The following CCDC171 variants were observed in gnomAD, a reference collection of about 807,000 sequenced individuals.
The protein encoded by CCDC171 is coiled-coil domain-containing protein 171.
A neutral mutation model predicts 168.2 loss-of-function variants in CCDC171; 177 were observed. That is an observed-to-expected ratio of 1.05 (90% CI 0.93 to 1.19). CCDC171 has a LOEUF of 1.19. CCDC171 is among the 50% of genes most tolerant of loss of function. The pLI is 0.00. For synonymous variants in CCDC171, 687 were observed against 540.8 expected (o/e 1.27, Z -3.75); for missense variants, 1,991 against 1,539.0 (o/e 1.29, Z -4.91).
chr9:15,861,797 A>G (rs2130987796), intron 23 of CCDC171, among the ~76,000 whole-genome samples: 1 of 152,156 alleles, frequency 6.6e-6, no homozygotes, highest in African/African-American at 2.4e-5. Context: ...CATTAGAGTA[A>G]TAAAGCATTC....
intron 11 of CCDC171, among the ~76,000 whole-genome samples, chr9:15,707,541 C>T (rs1209804371): frequency 6.6e-6 from 1 of 152,168 alleles, no homozygotes; most frequent in Non-Finnish European, 1.5e-5. Context: ...TCTTCTTGTT[C>T]TCTTCTCTTT....
At chr9:15,662,508 C>T (rs1024214123) in intron 8 of CCDC171, among the ~76,000 whole-genome samples, 1 of 152,068 alleles carries the variant, frequency 6.6e-6, no homozygotes, top group African/African-American at 2.4e-5. Flanking sequence ...GAATTCAGGA[C>T]CTTTGTGCAT....
At chr9:15,729,508 G>T in intron 15 of CCDC171, 102 bp from the exon 16 acceptor site, 1 of 623,318 alleles carries the variant, frequency 1.6e-6, no homozygotes. Flanking sequence ...TGATCTTAAG[G>T]AATAAAATAT....
intron 3 of CCDC171, among the ~76,000 whole-genome samples, chr9:16,004,527 C>G (rs758648118): frequency 2.0e-5 from 3 of 152,140 alleles, no homozygotes; most frequent in African/African-American, 7.2e-5. Flanking sequence ...TGATTTTGTG[C>G]TGCTTGGTTC....
intron 25 of CCDC171, among the ~76,000 whole-genome samples, chr9:15,932,040 C>CTG (rs1564019925): frequency 6.6e-6 from 1 of 151,904 alleles, no homozygotes; most frequent in African/African-American, 2.4e-5. Context: ...AGTATGATGC[C>CTG]TGTGGCTTTG....
chr9:15,871,057 C>T (rs914826019), intron 23 of CCDC171, among the ~76,000 whole-genome samples: 1 of 151,206 alleles, frequency 6.6e-6, no homozygotes, highest in African/African-American at 2.4e-5. Context: ...TATCTCCTTT[C>T]TGAAAGCATG....
In CCDC171 at chr9:15,623,282, G is replaced by C. The variant is rs1157388385; in HGVS notation, c.691G>C (p.Val231Leu). 3.8e-6 allele frequency: 6 copies of C among 1,585,764 alleles called. No homozygotes were observed. Among genetic ancestry groups the C allele is most frequent in the Admixed American group, 1.8e-5 (1 of 57,004 alleles). The change falls in exon 7 of 26, where the codon GTG (valine) becomes CTG (leucine). Residue 231 changes from valine (V) to leucine (L), a missense_variant. Val to Leu is a conservative substitution (Grantham distance 32, BLOSUM62 1). Coordinates refer to ENST00000380701, the MANE Select transcript of CCDC171 (RefSeq NM_173550.4). Reference sequence around the variant, plus strand: ...TATTTTCCAGGAGCAAGATACTGCTGTGCAAAATATGCATAAGAAAGTAGA... The same window carrying C: ...TATTTTCCAGGAGCAAGATACTGCTCTGCAAAATATGCATAAGAAAGTAGA... The part of the protein sequence containing the change: ...QFIVQEQDTA[V>L]QNMHKKVEKL...
chr9:15,605,713 C>G (rs2043180130), intron 6 of CCDC171, among the ~76,000 whole-genome samples: 1 of 151,560 alleles, frequency 6.6e-6, no homozygotes, highest in Admixed American at 6.6e-5. Flanking sequence ...AAAAAAGTCC[C>G]TAATTTAGGG....
chr9:16,100,816 C>T, the CCDC171 span, among the ~76,000 whole-genome samples: 3 of 152,216 alleles, frequency 2.0e-5, no homozygotes, highest in Admixed American at 1.3e-4. Flanking sequence ...CCCCGCCCCC[C>T]ACCAAGGGCA....
chr9:15,887,121 A>C (rs1179029310), intron 24 of CCDC171, among the ~76,000 whole-genome samples: 1 of 152,174 alleles, frequency 6.6e-6, no homozygotes, highest in African/African-American at 2.4e-5. Flanking sequence ...TTCTCACCAC[A>C]TACACAAAAG....
intron 7 of CCDC171, among the ~76,000 whole-genome samples, chr9:15,628,722 C>T (rs1016922425): frequency 1.3e-5 from 2 of 152,150 alleles, no homozygotes; most frequent in African/African-American, 4.8e-5. Flanking sequence ...GGGCAGACTG[C>T]CTCCTCAAGT....
At chr9:15,803,580 G>T (rs1032572308) in intron 21 of CCDC171, among the ~76,000 whole-genome samples, 3 of 151,970 alleles carry the variant, frequency 2.0e-5, no homozygotes, top group African/African-American at 7.2e-5. Flanking sequence ...GTAGATGTAT[G>T]ATTTTATTTC....
chr9:15,896,663 T>G (rs1820937813), intron 24 of CCDC171, among the ~76,000 whole-genome samples: 1 of 152,110 alleles, frequency 6.6e-6, no homozygotes, highest in Admixed American at 6.6e-5. Context: ...ATACATTTGC[T>G]ATCCTTATCA....
At chr9:16,014,592 A>G (rs1351590937) in intron 3 of CCDC171, among the ~76,000 whole-genome samples, 1 of 152,176 alleles carries the variant, frequency 6.6e-6, no homozygotes, top group Non-Finnish European at 1.5e-5. Context: ...TATGAAATGT[A>G]TTTCTTAAAT....
intron 7 of CCDC171, among the ~76,000 whole-genome samples, chr9:15,630,374 T>G (rs1264734762): frequency 6.6e-6 from 1 of 152,096 alleles, no homozygotes; most frequent in Non-Finnish European, 1.5e-5. Context: ...GGGGTTGCAA[T>G]CCTAGTCTCT....
chr9:15,692,531 T>C (rs1367660712), intron 10 of CCDC171, among the ~76,000 whole-genome samples: 1 of 136,466 alleles, frequency 7.3e-6, no homozygotes, highest in Admixed American at 7.2e-5. Context: ...TCATTACTAC[T>C]TTTTTTTTTT....
At chr9:15,749,406 A>G (rs2055553299) in intron 18 of CCDC171, among the ~76,000 whole-genome samples, 1 of 147,078 alleles carries the variant, frequency 6.8e-6, no homozygotes, top group African/African-American at 2.7e-5. Context: ...AACATTAGAC[A>G]GATCAACGAG....
intron 21 of CCDC171, among the ~76,000 whole-genome samples, chr9:15,806,861 G>C (rs1020317407): frequency 6.6e-6 from 1 of 152,074 alleles, no homozygotes; most frequent in African/African-American, 2.4e-5. Context: ...AGGGATTCCA[G>C]TAATTTGTAG....
intron 25 of CCDC171, among the ~76,000 whole-genome samples, chr9:15,963,845 C>A (rs1274748603): frequency 1.3e-5 from 2 of 152,126 alleles, no homozygotes; most frequent in African/African-American, 2.4e-5. Context: ...AACAAACAAA[C>A]AGACAAACAA....
Sources: gnomAD v4.1 joint callset for allele counts (sites outside exome capture counted in the v4.1 genomes callset) on GRCh38, gnomAD v4.1.1 for gene constraint, MANE v1.5 for transcripts, NCBI Gene and HGNC (gene_info 2026-07-23, HGNC 2026-07-21) for gene names.